The following SNCAIP variants were observed in gnomAD, a reference collection of about 807,000 sequenced individuals.
The protein encoded by SNCAIP is synphilin-1.
A neutral mutation model predicts 86.7 loss-of-function variants in SNCAIP; 43 were observed. That is an observed-to-expected ratio of 0.50 (90% CI 0.39 to 0.64). The LOEUF (loss-of-function observed/expected upper bound fraction) is 0.64. SNCAIP is among the 30% of genes least tolerant of loss of function. SNCAIP has a pLI of 0.00. For missense variants in SNCAIP, 981 were observed against 1,103.1 expected (o/e 0.89, Z 1.57); for synonymous variants, 417 against 427.2 (o/e 0.98, Z 0.29).
chr5:122,451,216 A>C lies in SNCAIP; in HGVS notation c.2369A>C (p.Lys790Thr). ...QPSPDSTAAQ[K>T]VATSPKSALK... ...AGCCCTGACAGTACTGCTGCCCAGA[A>C]AGTTGCCACAAGTCCCAAGAGTGCC... The change falls in exon 10 of 11, where the codon AAA (lysine) becomes ACA (threonine). Residue 790 changes from lysine (K) to threonine (T), a missense_variant. Transcript: ENST00000261368. The C allele has an allele frequency of 1.2e-6, 2 of 1,614,118 alleles. No homozygotes were observed. Among genetic ancestry groups the C allele is most frequent in the Non-Finnish European group, 1.7e-6 (2 of 1,180,014 alleles).
rs112346576 is a variant in SNCAIP at position 122,449,442 on chromosome 5, A to G, written c.1593-403A>G. 6.4e-3 allele frequency among the ~76,000 whole-genome samples: 982 copies of G among 152,294 alleles called. 11 individuals carry two copies. The highest frequency in any genetic ancestry group is 0.022 in the African/African-American group (920 of 41,570). On this transcript the variant is annotated intron_variant, in intron 8 of 10. Transcript: ENST00000261368. Reference sequence around the variant, plus strand: ...CTTTTTTATTTAATGAAAGTAAAGTATACTTCATATATACATATTTATATA... The same window carrying G: ...CTTTTTTATTTAATGAAAGTAAAGTGTACTTCATATATACATATTTATATA...
At chr5:122,363,152 A>T (rs2152771948) in intron 1 of SNCAIP, among the ~76,000 whole-genome samples, 1 of 152,032 alleles carries the variant, frequency 6.6e-6, no homozygotes, top group South Asian at 2.1e-4. Flanking sequence ...ATGCGCCACC[A>T]TGCCTGGCTA....
rs551073674 is a variant in SNCAIP at position 122,410,764 on chromosome 5, G to A, written c.130+6899G>A. On this transcript the variant is annotated intron_variant, in intron 3 of 10. Coordinates refer to ENST00000261368, the MANE Select transcript of SNCAIP (RefSeq NM_005460.4). Reference sequence around the variant, plus strand: ...CTTGAGCCTGGGAGGCGGAAGTTGCGGTAAGCCAAGATCGTGCCACTGCAC... The same window carrying A: ...CTTGAGCCTGGGAGGCGGAAGTTGCAGTAAGCCAAGATCGTGCCACTGCAC... 1.6e-4 allele frequency among the ~76,000 whole-genome samples: 25 copies of A among 152,244 alleles called. No homozygotes were observed. The South Asian group carries it at 4.6e-3, about 28-fold the overall frequency.
chr5:122,339,931 C>T (rs144432123), intron 1 of SNCAIP, among the ~76,000 whole-genome samples: 122 of 152,248 alleles, frequency 8.0e-4, no homozygotes, highest in African/African-American at 2.6e-3. Flanking sequence ...AGGAGTGTCA[C>T]TGAGCAGGGG....
At chr5:122,461,261 TC>T (rs1397722846) in intron 10 of SNCAIP, among the ~76,000 whole-genome samples, 2 of 152,212 alleles carry the variant, frequency 1.3e-5, no homozygotes, top group Non-Finnish European at 2.9e-5. Context: ...TTTTATGATT[TC>T]TTCTTTATCT....
intron 7 of SNCAIP, among the ~76,000 whole-genome samples, chr5:122,443,877 C>T (rs1581316701): frequency 6.6e-6 from 1 of 152,332 alleles, no homozygotes; most frequent in East Asian, 1.9e-4. Flanking sequence ...CCCTCCTCCC[C>T]CATACAGTTC....
intron 2 of SNCAIP, among the ~76,000 whole-genome samples, chr5:122,392,176 A>G (rs1342437926): frequency 6.6e-6 from 1 of 152,124 alleles, no homozygotes; most frequent in African/African-American, 2.4e-5. Context: ...TAAAATATGC[A>G]TACTGTACAC....
At chr5:122,324,794 C>G (rs1753681346) in intron 1 of SNCAIP, among the ~76,000 whole-genome samples, 1 of 152,164 alleles carries the variant, frequency 6.6e-6, no homozygotes, top group South Asian at 2.1e-4. Context: ...ACATTTGATT[C>G]TAGAAGGGAA....
intron 1 of SNCAIP, among the ~76,000 whole-genome samples, chr5:122,387,155 T>C (rs1768330621): frequency 6.6e-6 from 1 of 151,890 alleles, no homozygotes; most frequent in Non-Finnish European, 1.5e-5. Context: ...AGGATTTTTG[T>C]TTGTTTGTTT....
chr5:122,378,072 G>A (rs1252944995), intron 1 of SNCAIP, among the ~76,000 whole-genome samples: 4 of 147,420 alleles, frequency 2.7e-5, no homozygotes, highest in East Asian at 2.0e-4. Flanking sequence ...GGATGGCTGG[G>A]TCAAATGGTA....
chr5:122,375,860 C>A (rs1765203730), intron 1 of SNCAIP, among the ~76,000 whole-genome samples: 1 of 152,050 alleles, frequency 6.6e-6, no homozygotes, highest in Non-Finnish European at 1.5e-5. Context: ...AGGCATGAAT[C>A]CTGTATAATG....
At chr5:122,371,911 A>G (rs1184218696) in intron 1 of SNCAIP, 1 of 152,168 alleles carries the variant, frequency 6.6e-6, no homozygotes, top group African/African-American at 2.4e-5. Context: ...TATTATTAGA[A>G]CCACAGGGGT....
At chr5:122,397,193 A>G (rs1770797907) in intron 2 of SNCAIP, among the ~76,000 whole-genome samples, 2 of 152,014 alleles carry the variant, frequency 1.3e-5, no homozygotes, top group African/African-American at 4.8e-5. Flanking sequence ...AGGTAGTCTG[A>G]CTCTAGAATC....
intron 1 of SNCAIP, among the ~76,000 whole-genome samples, chr5:122,331,598 G>T (rs1028648554): frequency 6.6e-6 from 1 of 152,176 alleles, no homozygotes; most frequent in Admixed American, 6.5e-5. Flanking sequence ...TTTGTTAGAG[G>T]CTGGGAAGTC....
At chr5:122,317,692 T>A (rs1025955695) in intron 1 of SNCAIP, among the ~76,000 whole-genome samples, 13 of 152,076 alleles carry the variant, frequency 8.5e-5, no homozygotes, top group East Asian at 1.9e-4. Context: ...TAAAAGGAAA[T>A]ATTGAAAAGA....
At chr5:122,393,908 T>TA (rs1281360762) in intron 2 of SNCAIP, among the ~76,000 whole-genome samples, 1 of 152,198 alleles carries the variant, frequency 6.6e-6, no homozygotes, top group East Asian at 1.9e-4. Context: ...GACAACCTCT[T>TA]AAATACTGGA....
At chr5:122,374,024 G>A (rs931769495) in intron 1 of SNCAIP, among the ~76,000 whole-genome samples, 1 of 152,142 alleles carries the variant, frequency 6.6e-6, no homozygotes, top group Non-Finnish European at 1.5e-5. Context: ...TACATGGATT[G>A]CCCAGTTGTC....
At chr5:122,339,148 C>G (rs567384678) in intron 1 of SNCAIP, among the ~76,000 whole-genome samples, 21 of 152,238 alleles carry the variant, frequency 1.4e-4, no homozygotes, top group Non-Finnish European at 2.1e-4. Flanking sequence ...AGTTTCTCCA[C>G]AGCTTCTGAC....
chr5:122,418,092 T>C (rs1254728033), intron 3 of SNCAIP, among the ~76,000 whole-genome samples: 2 of 152,132 alleles, frequency 1.3e-5, no homozygotes, highest in East Asian at 3.8e-4. Flanking sequence ...AAGAGCATTG[T>C]AGGAAAGTAA....
Sources: gnomAD v4.1 joint callset for allele counts (sites outside exome capture counted in the v4.1 genomes callset) on GRCh38, gnomAD v4.1.1 for gene constraint, MANE v1.5 for transcripts, NCBI Gene and HGNC (gene_info 2026-07-23, HGNC 2026-07-21) for gene names.